The following CHI3L2 variants were observed in gnomAD, a reference collection of about 807,000 sequenced individuals.
CHI3L2 encodes the protein chitinase-3-like protein 2.
A neutral mutation model predicts 47.3 loss-of-function variants in CHI3L2; 47 were observed. The observed-to-expected ratio is 0.99, with a 90% confidence interval of 0.79 to 1.27. CHI3L2 has a LOEUF of 1.27. Among genes scored for constraint, CHI3L2 ranks in the 50% most tolerant of loss-of-function variants. The probability of loss-of-function intolerance (pLI) is 0.00; values close to 1 mark genes in which losing one functional copy is unlikely to be tolerated. For synonymous variants in CHI3L2, 198 were observed against 169.9 expected, an observed-to-expected ratio of 1.17 and a Z score of -1.28; for missense variants, 497 against 462.1, an observed-to-expected ratio of 1.08 and a Z score of -0.69.
intron 4 of CHI3L2, among the ~76,000 whole-genome samples, chr1:111,233,987 A>G (rs1171779008): frequency 6.6e-6 from 1 of 150,652 alleles, no homozygotes. Flanking sequence ...CAGATGCTTG[A>G]AGGCAGCATG....
At chr1:111,242,624 C>CAT (rs5777051) in intron 10 of CHI3L2, 72,584 of 281,336 alleles carry the variant, frequency 0.26, 11,220 homozygotes, top group Non-Finnish European at 0.32. Context: ...ACTTTCATTA[C>CAT]ATATATATTA....
rs1421543420 is a variant in CHI3L2 at position 111,238,808 on chromosome 1, G to T, written c.794G>T (p.Gly265Val). ...KGMPSEKVVMGIPTYGHSFTL... is the reference protein window; with the variant it reads ...KGMPSEKVVMVIPTYGHSFTL... ...ATGCCATCAGAGAAGGTGGTCATGG[G>T]CATCCCCACATATGGGCACTCCTTC... Residue 265 changes from glycine (G) to valine (V), a missense_variant, in exon 8 of 11, where the codon GGC (glycine) becomes GTC (valine). Transcript: ENST00000369748. 1.9e-6 allele frequency: 3 copies of T among 1,614,044 alleles called. No individual in the cohort carries two copies. Among genetic ancestry groups the T allele is most frequent in the Non-Finnish European group, 1.7e-6 (2 of 1,179,940 alleles).
At position 111,237,420 on chromosome 1, in the gene CHI3L2, A is replaced by T. The variant is rs568350999; in HGVS notation, c.735+1267A>T. 2.0e-5 allele frequency among the ~76,000 whole-genome samples: 3 copies of T among 152,336 alleles called. No individual in the cohort carries two copies. The South Asian group carries it at 6.2e-4, about 32-fold the overall frequency. On this transcript the variant is annotated intron_variant, in intron 7 of 10. Transcript: ENST00000369748. The stretch of plus-strand genomic sequence containing the variant: ...ACAATCTTTGCAAAGGCTGTTTCAT[A>T]TATATGGATGTATATTCCTAAAATT...
At position 111,238,927 on chromosome 1, in the gene CHI3L2, T is replaced by C; in HGVS notation, c.913T>C (p.Tyr305His). Residue 305 changes from tyrosine to histidine, a missense_variant, in exon 8 of 11, where the codon TAT (tyrosine) becomes CAT (histidine). Physicochemically the swap from Tyr to His is moderately conservative, Grantham distance 83. Coordinates refer to ENST00000369748, the MANE Select transcript of CHI3L2 (RefSeq NM_004000.3). ...AGAGTCTTCAGGCTTCCTGGCCTAT[T>C]ATGAGGTACCTGGAAACCCCCTGTA... ...ITESSGFLAYYEICQFLKGAK... is the reference protein window; with the variant it reads ...ITESSGFLAYHEICQFLKGAK... 1 of 1,591,366 alleles carries C rather than the reference T, an allele frequency of 6.3e-7. No individual in the cohort carries two copies. Among genetic ancestry groups the C allele is most frequent in the East Asian group, 2.3e-5 (1 of 44,258 alleles).
At chr1:111,235,512 G>A in intron 5 of CHI3L2, 127 bp from the exon 6 acceptor site, 1 of 1,077,398 alleles carries the variant, frequency 9.3e-7, no homozygotes, top group Non-Finnish European at 1.3e-6. Flanking sequence ...CCCATGTGGG[G>A]TGGGGAGGAA....
intron 1 of CHI3L2, among the ~76,000 whole-genome samples, chr1:111,228,211 T>C (rs1446348694): frequency 2.0e-5 from 3 of 152,200 alleles, no homozygotes; most frequent in Non-Finnish European, 4.4e-5. Context: ...ACTCTCCCTT[T>C]CAACTCTAAA....
intron 10 of CHI3L2, chr1:111,242,682 C>A (rs1194708934): frequency 2.0e-5 from 4 of 197,940 alleles, no homozygotes; most frequent in Non-Finnish European, 3.1e-5. Flanking sequence ...AAATCATCAG[C>A]CTGTCTTAAT....
chr1:111,230,412 C>T (rs1047137915), intron 2 of CHI3L2, among the ~76,000 whole-genome samples: 1 of 152,110 alleles, frequency 6.6e-6, no homozygotes, highest in South Asian at 2.1e-4. Context: ...AACCACTACA[C>T]CTGGCTAATT....
chr1:111,231,701 C>T (rs1217088089), intron 4 of CHI3L2, among the ~76,000 whole-genome samples: 1 of 152,174 alleles, frequency 6.6e-6, no homozygotes, highest in Non-Finnish European at 1.5e-5. Context: ...TTCAGAAGCC[C>T]CACCATGGCC....
At chr1:111,237,187 T>C (rs560489187) in intron 7 of CHI3L2, among the ~76,000 whole-genome samples, 11 of 152,378 alleles carry the variant, frequency 7.2e-5, no homozygotes, top group African/African-American at 1.9e-4. Context: ...TTGTTAGTTC[T>C]ACAAAAGCAG....
chr1:111,229,239 G>T (rs1659617907), intron 1 of CHI3L2, among the ~76,000 whole-genome samples: 1 of 152,198 alleles, frequency 6.6e-6, no homozygotes, highest in South Asian at 2.1e-4. Flanking sequence ...TTTCCCCAGT[G>T]TCCTGAGCAA....
rs566991492 is a variant in CHI3L2, at chr1:111,230,236, C to T, written c.70+355C>T. The stretch of plus-strand genomic sequence containing the variant: ...TGGGTGTTTCATATGTTGGTGGTAT[C>T]TCTGTCTCTCAATGTATTTTTTTTT... On this transcript the variant is annotated intron_variant, in intron 2 of 10. Transcript: ENST00000369748. 2.6e-5 allele frequency among the ~76,000 whole-genome samples: 4 copies of T among 151,006 alleles called. No homozygotes were observed. In the East Asian group the frequency reaches 7.7e-4, roughly 29 times the overall value.
intron 8 of CHI3L2, 102 bp downstream of exon 8, chr1:111,239,034 G>A: frequency 8.5e-7 from 1 of 1,182,456 alleles, no homozygotes; most frequent in Non-Finnish European, 1.2e-6. Flanking sequence ...GTTGCGAAGG[G>A]GAAAGGGCAG....
chr1:111,232,804 C>A (rs982053002), intron 4 of CHI3L2, among the ~76,000 whole-genome samples: 1 of 152,186 alleles, frequency 6.6e-6, no homozygotes, highest in Non-Finnish European at 1.5e-5. Context: ...AAATTGGAGG[C>A]ATCTGCCCAG....
chr1:111,243,307 C>T lies in CHI3L2; in HGVS notation c.*93C>T, dbSNP rs8535. 2.2e-6 allele frequency: 1 copy of T among 453,690 alleles called. No individual in the cohort carries two copies. The highest frequency in any genetic ancestry group is 2.0e-5 in the African/African-American group (1 of 49,978). 28.1% of individuals were successfully genotyped at this position (453,690 alleles called of 1,614,324 possible). On this transcript the variant is annotated 3_prime_UTR_variant, in exon 11 of 11. Coordinates refer to ENST00000369748, the MANE Select transcript of CHI3L2 (RefSeq NM_004000.3). ...CTCATGTGGGATTCCCCTTGCCAGGCTGGCCTTTGGATCTCTCTTCCAAGC... is the reference window on the plus strand; with the variant it reads ...CTCATGTGGGATTCCCCTTGCCAGGTTGGCCTTTGGATCTCTCTTCCAAGC...
chr1:111,227,706 T>A, upstream of CHI3L2: 2 of 1,613,686 alleles, frequency 1.2e-6, no homozygotes, highest in South Asian at 2.2e-5. Flanking sequence ...AGAATGTGTA[T>A]CCCAGAAGAA....
chr1:111,235,570 C>A, intron 5 of CHI3L2, 69 bp from the exon 6 acceptor site: 2 of 1,521,382 alleles, frequency 1.3e-6, no homozygotes, highest in Non-Finnish European at 1.8e-6. Context: ...CTCATAGATT[C>A]CAGGCAAGAA....
chr1:111,227,822 A>G lies in CHI3L2; in HGVS notation c.40+53A>G, dbSNP rs867565056. The G allele has an allele frequency of 7.2e-6, 11 of 1,522,476 alleles. No individual in the cohort carries two copies. In the Middle Eastern group the frequency reaches 1.5e-3, roughly 212 times the overall value. The allele number at this position is 1,522,476 out of a possible 1,614,324, so 94.3% of individuals were successfully genotyped here. A position where few individuals can be genotyped will look rare whatever the true frequency, so the allele number is the denominator to read the frequency against. ...GAAATTTGGTGAGGAAGGAAGAGGT[A>G]ACAGGTCTGTAGAAGAAGTAATCTT... On this transcript the variant is annotated intron_variant, in intron 1 of 10. Transcript: ENST00000369748.
intron 1 of CHI3L2, among the ~76,000 whole-genome samples, chr1:111,228,200 A>ATTAAATT (rs1659583343): frequency 1.3e-5 from 2 of 152,058 alleles, no homozygotes; most frequent in Non-Finnish European, 2.9e-5. Flanking sequence ...ATGTTTTTTA[A>ATTAAATT]ACTCTCCCTT....
Sources: allele counts gnomAD v4.1 joint callset (sites outside exome capture counted in the v4.1 genomes callset), GRCh38; gene constraint gnomAD v4.1.1; transcripts MANE v1.5; gene names NCBI Gene and HGNC (gene_info 2026-07-23, HGNC 2026-07-21).